Variants in FRY observed in about 807,000 individuals in gnomAD.
FRY encodes FRY microtubule binding protein.
In FRY, 128 loss-of-function variants were observed where a neutral mutation model predicts 348.4. That is an observed-to-expected ratio of 0.37 (90% CI 0.32 to 0.43). FRY has a LOEUF of 0.43. Ranked by LOEUF, FRY falls within the 20% of genes least tolerant of loss-of-function variation. The pLI is 1.00. For missense variants in FRY, 2,736 were observed against 3,695.2 expected (o/e 0.74, Z 6.73); for synonymous variants, 1,370 against 1,374.7 (o/e 1.00, Z 0.08).
chr13:32,178,884 G>T lies in FRY; in HGVS notation c.2722G>T (p.Gly908Ter). ...CAAGAAAACCAGCACTGCCGGCAGC[G>T]GAGACAACTATGTTACTTTGTGGAG... is the stretch of plus-strand genomic sequence containing the variant. ...NAKKTSTAGS[G>*]DNYVTLWRNY... The change falls in exon 22 of 61, where the codon GGA (glycine) becomes TGA (stop). Residue 908 changes from glycine (G) to a stop codon, truncating the protein, a stop_gained. Coordinates refer to ENST00000542859, the MANE Select transcript of FRY (RefSeq NM_023037.3). LOFTEE classifies it high-confidence loss of function. The T allele has an allele frequency of 6.2e-7, 1 of 1,613,730 alleles. No individual in the cohort carries two copies. The highest frequency in any genetic ancestry group is 8.5e-7 in the Non-Finnish European group (1 of 1,179,704).
chr13:32,259,854 A>T (rs536009709), intron 51 of FRY, among the ~76,000 whole-genome samples: 13 of 151,894 alleles, frequency 8.6e-5, no homozygotes, highest in African/African-American at 2.9e-4. Context: ...TTTTCTACCA[A>T]AAAAAAAGAA....
intron 51 of FRY, among the ~76,000 whole-genome samples, chr13:32,257,767 G>A (rs1210932708): frequency 3.3e-5 from 5 of 152,234 alleles, no homozygotes; most frequent in African/African-American, 1.2e-4. Context: ...AATTTCTGAT[G>A]TTTAATGTTG....
intron 2 of FRY, among the ~76,000 whole-genome samples, chr13:32,083,384 G>A (rs1019117987): frequency 2.4e-4 from 36 of 152,210 alleles, no homozygotes; most frequent in African/African-American, 8.7e-4. Context: ...CCTTGAATGT[G>A]TCTTTATTGT....
chr13:32,255,862 C>A (rs563788739), intron 51 of FRY, among the ~76,000 whole-genome samples: 7 of 152,264 alleles, frequency 4.6e-5, no homozygotes, highest in African/African-American at 1.7e-4. Flanking sequence ...CTAATGTTTG[C>A]TCTTCAGTTA....
intron 36 of FRY, among the ~76,000 whole-genome samples, chr13:32,222,334 G>T (rs1228989857): frequency 6.6e-6 from 1 of 152,172 alleles, no homozygotes; most frequent in Non-Finnish European, 1.5e-5. Context: ...GGCCTTAAAG[G>T]CCACGGGTGT....
chr13:32,177,089 A>G (rs1882407716), intron 20 of FRY, among the ~76,000 whole-genome samples: 1 of 152,202 alleles, frequency 6.6e-6, no homozygotes, highest in Non-Finnish European at 1.5e-5. Context: ...CAGTTAATTC[A>G]TCATTTTACA....
At chr13:32,054,060 C>T (rs151032104) in intron 1 of FRY, among the ~76,000 whole-genome samples, 130 of 152,316 alleles carry the variant, frequency 8.5e-4, no homozygotes, top group African/African-American at 2.8e-3. Context: ...TTCATTCTAA[C>T]CGTGCCTCTA....
intron 2 of FRY, among the ~76,000 whole-genome samples, chr13:32,101,611 C>G (rs1357681648): frequency 6.6e-6 from 1 of 152,154 alleles, no homozygotes; most frequent in African/African-American, 2.4e-5. Flanking sequence ...TCTCTTTTCT[C>G]TACATGTTTG....
At chr13:32,076,250 A>G (rs1593586108) in intron 1 of FRY, among the ~76,000 whole-genome samples, 1 of 152,166 alleles carries the variant, frequency 6.6e-6, no homozygotes, top group Non-Finnish European at 1.5e-5. Context: ...TATCAACCCA[A>G]TTATTGCTGT....
intron 4 of FRY, 152 bp downstream of exon 4, chr13:32,117,625 A>T (rs1050724349): frequency 2.2e-5 from 17 of 765,174 alleles, no homozygotes; most frequent in Non-Finnish European, 3.8e-5. Context: ...TGTAGCAGGT[A>T]ACCCATTTGG....
intron 29 of FRY, among the ~76,000 whole-genome samples, chr13:32,194,591 T>C (rs1372317314): frequency 6.6e-6 from 1 of 152,108 alleles, no homozygotes. Context: ...AGATACATTA[T>C]AGGAATTAAA....
intron 44 of FRY, among the ~76,000 whole-genome samples, chr13:32,238,915 A>G (rs1261068645): frequency 1.3e-5 from 2 of 152,172 alleles, no homozygotes; most frequent in Non-Finnish European, 2.9e-5. Context: ...AGTTTTTCTT[A>G]AAATATGTTT....
rs968443609 is a variant in FRY at position 32,297,649 on chromosome 13, T to G, written c.*2189T>G. The G allele has an allele frequency of 6.6e-6, 1 of 152,212 alleles. No homozygotes were observed. The highest frequency in any genetic ancestry group is 1.5e-5 in the Non-Finnish European group (1 of 68,020). 9.4% of individuals were successfully genotyped at this position (152,212 alleles called of 1,614,324 possible). Reference sequence around the variant, plus strand: ...TCTACTTTTCCTCTATCTCTTCACCTCCTCTACTTTAAGTGGAGATGGGAA... The same window carrying G: ...TCTACTTTTCCTCTATCTCTTCACCGCCTCTACTTTAAGTGGAGATGGGAA... On this transcript the variant is annotated 3_prime_UTR_variant, in exon 61 of 61. Transcript: ENST00000542859.
At position 32,262,366 on chromosome 13, in the gene FRY, C is replaced by T. The variant is rs370950828; in HGVS notation, c.7670C>T (p.Thr2557Ile). ...EETNPMELLT[T>I]ACDSTPAEPH... is the part of the protein sequence containing the mutation. ...ACGAATCCCATGGAGCTGCTCACCA[C>T]AGCCTGTGACTCGACCCCTGCAGAA... The change falls in exon 53 of 61, where the codon ACA (threonine) becomes ATA (isoleucine). Residue 2557 changes from threonine to isoleucine, a missense_variant. This residue lies in a region of FRY where 789 missense variants were observed against 996.2 expected (regional missense o/e 0.79). Transcript: ENST00000542859. 1 of 1,613,630 alleles carries T rather than the reference C, an allele frequency of 6.2e-7. No homozygotes were observed. Among genetic ancestry groups the T allele is most frequent in the African/African-American group, 1.3e-5 (1 of 74,938 alleles).
At chr13:32,180,768 A>T (rs1271875277) in intron 23 of FRY, among the ~76,000 whole-genome samples, 3 of 152,256 alleles carry the variant, frequency 2.0e-5, no homozygotes, top group African/African-American at 7.2e-5. Flanking sequence ...CCATGTAGAT[A>T]GAAATGAGAA....
intron 3 of FRY, among the ~76,000 whole-genome samples, chr13:32,104,980 T>G (rs1447032088): frequency 6.6e-6 from 1 of 152,186 alleles, no homozygotes; most frequent in Non-Finnish European, 1.5e-5. Flanking sequence ...ATTACCCAGT[T>G]TCTGGTATGT....
chr13:32,204,913 A>T (rs1730141402), intron 31 of FRY, among the ~76,000 whole-genome samples: 1 of 152,232 alleles, frequency 6.6e-6, no homozygotes, highest in African/African-American at 2.4e-5. Context: ...AAAGATAGAT[A>T]TGCAATCAAG....
chr13:32,161,052 T>A (rs1477166083), intron 16 of FRY, 92 bp from the exon 17 acceptor site: 2 of 852,936 alleles, frequency 2.3e-6, no homozygotes, highest in Admixed American at 3.5e-5. Context: ...TCAGAAGGCA[T>A]GGATTCTAGT....
chr13:32,150,860 C>G (rs1188805617), intron 14 of FRY, among the ~76,000 whole-genome samples: 1 of 152,204 alleles, frequency 6.6e-6, no homozygotes, highest in East Asian at 1.9e-4. Flanking sequence ...ACCCCATATT[C>G]TCTTCTTGAT....
Sources: gnomAD v4.1 joint callset for allele counts (sites outside exome capture counted in the v4.1 genomes callset) on GRCh38, gnomAD v4.1.1 for gene constraint, gnomAD v4.1.1 regional missense constraint, MANE v1.5 for transcripts, NCBI Gene and HGNC (gene_info 2026-07-23, HGNC 2026-07-21) for gene names.